The following TAFA2 variants were observed in gnomAD, a reference collection of about 807,000 sequenced individuals.
The protein encoded by TAFA2 is chemokine-like protein TAFA-2.
Under a neutral mutation model 18.8 loss-of-function variants are expected in TAFA2, and 7 were observed. The observed-to-expected ratio is 0.37, with a 90% CI of 0.21 to 0.70. The LOEUF (loss-of-function observed/expected upper bound fraction) is 0.70. TAFA2 is among the 30% of genes least tolerant of loss of function. The pLI is 0.53. For missense variants in TAFA2, 122 were observed against 158.1 expected (o/e 0.77, Z 1.23); for synonymous variants, 60 against 54.2 (o/e 1.11, Z -0.47).
intron 1 of TAFA2, among the ~76,000 whole-genome samples, chr12:62,097,969 A>G (rs1869021260): frequency 6.6e-6 from 1 of 152,152 alleles, no homozygotes; most frequent in Non-Finnish European, 1.5e-5. Context: ...TCTACATTCC[A>G]CTATATTAAA....
intron 1 of TAFA2, among the ~76,000 whole-genome samples, chr12:61,953,434 G>A (rs1294228001): frequency 6.6e-6 from 1 of 151,836 alleles, no homozygotes; most frequent in East Asian, 1.9e-4. Context: ...TAATTGCAGT[G>A]AAGTTATATT....
At chr12:61,851,545 G>A (rs1213432167) in intron 2 of TAFA2, among the ~76,000 whole-genome samples, 1 of 151,768 alleles carries the variant, frequency 6.6e-6, no homozygotes, top group Non-Finnish European at 1.5e-5. Context: ...GGGAGGCCGA[G>A]GCGGGTGGAT....
At chr12:61,710,476 T>C in intron 4 of TAFA2, 59 bp from the exon 5 acceptor site, 1 of 1,382,568 alleles carries the variant, frequency 7.2e-7, no homozygotes, top group Non-Finnish European at 1.0e-6. Flanking sequence ...ATCTTAAAAC[T>C]AAACACAATT....
At chr12:61,990,337 ATTT>A (rs71083969) in intron 1 of TAFA2, among the ~76,000 whole-genome samples, 1 of 108,226 alleles carries the variant, frequency 9.2e-6, no homozygotes, top group African/African-American at 3.7e-5. Flanking sequence ...CACTGTGCCA[ATTT>A]TTTTTTTTTT....
At chr12:62,063,156 T>TA (rs1454905257) in intron 1 of TAFA2, among the ~76,000 whole-genome samples, 1 of 152,156 alleles carries the variant, frequency 6.6e-6, no homozygotes, top group Non-Finnish European at 1.5e-5. Flanking sequence ...GGGGGACCGT[T>TA]ATTCCGCCTG....
intron 1 of TAFA2, among the ~76,000 whole-genome samples, chr12:61,943,271 C>T (rs1264524204): frequency 6.8e-6 from 1 of 146,094 alleles, no homozygotes; most frequent in Non-Finnish European, 1.5e-5. Context: ...TTTGTCACCA[C>T]CAGGCCTGCC....
At chr12:62,218,022 G>T (rs951325975) in intron 1 of TAFA2, among the ~76,000 whole-genome samples, 1 of 150,804 alleles carries the variant, frequency 6.6e-6, no homozygotes, top group African/African-American at 2.4e-5. Flanking sequence ...TTGAGACAGG[G>T]TCTCACTCTG....
In TAFA2 at chr12:62,191,310, T is replaced by C. The variant is rs2062622831; in HGVS notation, c.-53A>G. ...AACACCTAGCGATGCTCCTGCAGCTTTTGCGGGCCGGCGCCAGCCTTATCG... is the reference window on the plus strand; with the variant it reads ...AACACCTAGCGATGCTCCTGCAGCTCTTGCGGGCCGGCGCCAGCCTTATCG... On this transcript the variant is annotated 5_prime_UTR_variant, in exon 1 of 5. Coordinates refer to ENST00000416284, the MANE Select transcript of TAFA2 (RefSeq NM_178539.5). 1 of 152,172 alleles carries C rather than the reference T, an allele frequency of 6.6e-6. No homozygotes were observed. Among genetic ancestry groups the C allele is most frequent in the Non-Finnish European group, 1.5e-5 (1 of 68,034 alleles). The allele number at this position is 152,172 out of a possible 1,614,324, so 9.4% of individuals were successfully genotyped here.
chr12:61,834,804 C>T (rs1872853327), intron 2 of TAFA2, among the ~76,000 whole-genome samples: 1 of 151,914 alleles, frequency 6.6e-6, no homozygotes, highest in Admixed American at 6.6e-5. Context: ...AAATGACAAC[C>T]ATTTATCTTT....
At chr12:61,748,545 G>A (rs544205613) in intron 4 of TAFA2, among the ~76,000 whole-genome samples, 30 of 152,184 alleles carry the variant, frequency 2.0e-4, no homozygotes, top group Non-Finnish European at 4.1e-4. Flanking sequence ...TTTTCCTCTT[G>A]CTGTGTACAT....
At chr12:62,247,103 G>A (rs1489109002) in intron 1 of TAFA2, among the ~76,000 whole-genome samples, 2 of 151,734 alleles carry the variant, frequency 1.3e-5, no homozygotes, top group Non-Finnish European at 2.9e-5. Flanking sequence ...TTCCTTGTCT[G>A]CCTTATATTA....
chr12:62,064,458 G>C (rs1173051877), intron 1 of TAFA2, among the ~76,000 whole-genome samples: 1 of 151,952 alleles, frequency 6.6e-6, no homozygotes, highest in Non-Finnish European at 1.5e-5. Context: ...TGTATTGCCA[G>C]TATAACATTA....
chr12:61,836,018 A>G (rs1872905152), intron 2 of TAFA2, among the ~76,000 whole-genome samples: 1 of 151,888 alleles, frequency 6.6e-6, no homozygotes, highest in Admixed American at 6.6e-5. Context: ...CAATTATACA[A>G]TTCTGGAATA....
chr12:62,105,863 T>C (rs1288000643), intron 1 of TAFA2, among the ~76,000 whole-genome samples: 1 of 152,162 alleles, frequency 6.6e-6, no homozygotes, highest in East Asian at 1.9e-4. Context: ...GACCTTTCTT[T>C]AGAGGGCAAC....
chr12:61,950,377 T>G (rs1878424666), intron 1 of TAFA2, among the ~76,000 whole-genome samples: 1 of 152,194 alleles, frequency 6.6e-6, no homozygotes, highest in African/African-American at 2.4e-5. Context: ...TTTATAGCAC[T>G]ACTAACAGTG....
At chr12:62,141,592 G>A (rs573338513) in intron 1 of TAFA2, among the ~76,000 whole-genome samples, 1 of 152,208 alleles carries the variant, frequency 6.6e-6, no homozygotes, top group East Asian at 1.9e-4. Context: ...ATACATTGCA[G>A]TTCAATGGTT....
chr12:61,912,350 G>C (rs1020706524), intron 1 of TAFA2, among the ~76,000 whole-genome samples: 1 of 152,128 alleles, frequency 6.6e-6, no homozygotes, highest in Admixed American at 6.6e-5. Context: ...GTTGTGACTA[G>C]AGACACATGT....
rs1183707738 is a variant in TAFA2 at position 61,962,361 on chromosome 12, G to A, written c.-1-94935C>T. On this transcript the variant is annotated intron_variant, in intron 1 of 4. Transcript: ENST00000416284. ...AGATATACTCTATCTACTCTCCATG[G>A]TGCTCAAATGCATGTAACTAAATAA... 2.6e-5 allele frequency among the ~76,000 whole-genome samples: 4 copies of A among 151,934 alleles called. No homozygotes were observed. In the East Asian group the frequency reaches 7.8e-4, roughly 30 times the overall value.
At chr12:61,926,680 A>G (rs1485850167) in intron 1 of TAFA2, among the ~76,000 whole-genome samples, 1 of 152,216 alleles carries the variant, frequency 6.6e-6, no homozygotes, top group East Asian at 1.9e-4. Context: ...TAAATTAGGT[A>G]TTGATGGAAT....
Sources: allele counts gnomAD v4.1 joint callset (sites outside exome capture counted in the v4.1 genomes callset), GRCh38; gene constraint gnomAD v4.1.1; transcripts MANE v1.5; gene names NCBI Gene and HGNC (gene_info 2026-07-23, HGNC 2026-07-21).